The following LHFPL2 variants were observed in gnomAD, a reference collection of about 807,000 sequenced individuals.
LHFPL2 encodes the protein LHFPL tetraspan subfamily member 2 protein.
LHFPL2 carries 7 observed loss-of-function variants against 17.5 expected under a neutral mutation model. The ratio of observed to expected loss-of-function variants is 0.40; its 90% confidence interval spans 0.23 to 0.75. LHFPL2 has a LOEUF of 0.75. Among genes scored for constraint, LHFPL2 ranks in the 30% least tolerant of loss-of-function variants. LHFPL2 has a pLI of 0.37. For synonymous variants in LHFPL2, 134 were observed against 116.2 expected, an observed-to-expected ratio of 1.15 and a Z score of -0.99; for missense variants, 241 against 294.8, an observed-to-expected ratio of 0.82 and a Z score of 1.34.
intron 1 of LHFPL2, among the ~76,000 whole-genome samples, chr5:78,641,034 T>C (rs1477148632): frequency 6.6e-6 from 1 of 151,962 alleles, no homozygotes; most frequent in African/African-American, 2.4e-5. Flanking sequence ...GTACAGAGAG[T>C]AGGAGAGCCT....
intron 3 of LHFPL2, among the ~76,000 whole-genome samples, chr5:78,513,135 T>G (rs1010987513): frequency 6.6e-6 from 1 of 152,170 alleles, no homozygotes; most frequent in Non-Finnish European, 1.5e-5. Context: ...GGGTGACTTG[T>G]ATCTTAATGA....
intron 2 of LHFPL2, among the ~76,000 whole-genome samples, chr5:78,597,737 T>C (rs1743876238): frequency 6.6e-6 from 1 of 152,224 alleles, no homozygotes; most frequent in South Asian, 2.1e-4. Flanking sequence ...ATGTGCATGA[T>C]GGTATGTTAC....
At chr5:78,603,485 G>T (rs1744098263) in intron 2 of LHFPL2, among the ~76,000 whole-genome samples, 1 of 152,200 alleles carries the variant, frequency 6.6e-6, no homozygotes, top group South Asian at 2.1e-4. Context: ...AACATGGAAT[G>T]AGAGCTACGA....
intron 3 of LHFPL2, among the ~76,000 whole-genome samples, chr5:78,542,115 C>CT (rs36078151): frequency 0.38 from 55,647 of 145,822 alleles, 10,679 homozygotes; most frequent in Middle Eastern, 0.47. Flanking sequence ...TGTCATTAAG[C>CT]TTTTTTTTTT....
intron 3 of LHFPL2, among the ~76,000 whole-genome samples, chr5:78,518,831 A>G (rs969176134): frequency 6.6e-6 from 1 of 152,226 alleles, no homozygotes; most frequent in African/African-American, 2.4e-5. Flanking sequence ...AGAGGGACTT[A>G]TTATTGTAGC....
At chr5:78,524,423 AAT>A (rs1274764567) in intron 3 of LHFPL2, among the ~76,000 whole-genome samples, 1 of 151,792 alleles carries the variant, frequency 6.6e-6, no homozygotes, top group African/African-American at 2.4e-5. Flanking sequence ...TTCCAACAAT[AAT>A]ATCACAATGG....
chr5:78,495,837 G>A (rs538438715), intron 4 of LHFPL2, among the ~76,000 whole-genome samples: 2 of 152,306 alleles, frequency 1.3e-5, no homozygotes, highest in South Asian at 4.1e-4. Flanking sequence ...ACCATTTATG[G>A]ATGGCCATGG....
At chr5:78,563,351 T>C (rs1055656908) in intron 3 of LHFPL2, among the ~76,000 whole-genome samples, 4 of 152,202 alleles carry the variant, frequency 2.6e-5, no homozygotes, top group Non-Finnish European at 5.9e-5. Context: ...TCTTTATTAA[T>C]AGAAAATTAA....
intron 4 of LHFPL2, among the ~76,000 whole-genome samples, chr5:78,492,572 C>T (rs144494913): frequency 2.0e-5 from 3 of 152,330 alleles, no homozygotes; most frequent in East Asian, 3.9e-4. Flanking sequence ...TGCCCTGAGG[C>T]GCTCCCTTTT....
In LHFPL2 at chr5:78,547,052, C is replaced by T. The variant is rs138750474; in HGVS notation, c.-186+17761G>A. Among the ~76,000 whole-genome samples the T allele has an allele frequency of 1.5e-3, 227 of 152,136 alleles. 1 individual carries two copies. The highest frequency in any genetic ancestry group is 5.2e-3 in the African/African-American group (214 of 41,490). ...AAAGTAGGGGGTTGAGGAGGGTCCCCTTGGCCCCCATCACCTCCAGGTAGC... is the reference window on the plus strand; with the variant it reads ...AAAGTAGGGGGTTGAGGAGGGTCCCTTTGGCCCCCATCACCTCCAGGTAGC... On this transcript the variant is annotated intron_variant, in intron 3 of 4. Coordinates refer to ENST00000380345, the MANE Select transcript of LHFPL2 (RefSeq NM_005779.3).
chr5:78,626,663 G>C (rs921771805), intron 2 of LHFPL2: 2 of 152,256 alleles, frequency 1.3e-5, no homozygotes, highest in African/African-American at 2.4e-5. Context: ...TGAATCAATG[G>C]GGGGAACAGA....
chr5:78,498,014 C>T (rs1467759199), intron 4 of LHFPL2, among the ~76,000 whole-genome samples: 1 of 152,102 alleles, frequency 6.6e-6, no homozygotes, highest in Non-Finnish European at 1.5e-5. Context: ...CAGGCACTGG[C>T]CAGGAGAGGA....
chr5:78,577,351 T>C (rs913683475), intron 2 of LHFPL2, among the ~76,000 whole-genome samples: 3 of 152,200 alleles, frequency 2.0e-5, no homozygotes, highest in African/African-American at 7.2e-5. Context: ...ATTTTTATGT[T>C]CTACTTCTGA....
intron 2 of LHFPL2, among the ~76,000 whole-genome samples, chr5:78,566,818 T>C (rs1756872397): frequency 1.3e-5 from 2 of 152,240 alleles, no homozygotes; most frequent in Admixed American, 1.3e-4. Context: ...ATTCTAAACA[T>C]TTCCCACAAT....
intron 1 of LHFPL2, among the ~76,000 whole-genome samples, chr5:78,636,019 C>G (rs1173517513): frequency 6.6e-6 from 1 of 151,738 alleles, no homozygotes; most frequent in South Asian, 2.1e-4. Context: ...CACACACACA[C>G]GCGCACACAA....
intron 3 of LHFPL2, among the ~76,000 whole-genome samples, chr5:78,512,667 T>C (rs1002213819): frequency 3.3e-5 from 5 of 152,028 alleles, no homozygotes; most frequent in African/African-American, 9.7e-5. Flanking sequence ...CCCAGCCTGT[T>C]GAGAGCTATA....
chr5:78,562,984 G>C (rs1022945047), intron 3 of LHFPL2, among the ~76,000 whole-genome samples: 5 of 152,216 alleles, frequency 3.3e-5, no homozygotes, highest in African/African-American at 1.2e-4. Context: ...GAAGTGTAGG[G>C]CCTCTTCACT....
At chr5:78,642,555 C>T (rs1380820145) in intron 1 of LHFPL2, among the ~76,000 whole-genome samples, 2 of 152,152 alleles carry the variant, frequency 1.3e-5, no homozygotes, top group Non-Finnish European at 1.5e-5. Context: ...TACAAGGACA[C>T]AAATTACTCT....
chr5:78,598,980 C>T (rs1242085992), intron 2 of LHFPL2, among the ~76,000 whole-genome samples: 2 of 152,132 alleles, frequency 1.3e-5, no homozygotes, highest in South Asian at 2.1e-4. Flanking sequence ...TTTGAACATA[C>T]GGTAATTTCA....
Sources: allele counts gnomAD v4.1 joint callset (sites outside exome capture counted in the v4.1 genomes callset), GRCh38; gene constraint gnomAD v4.1.1; transcripts MANE v1.5; gene names NCBI Gene and HGNC (gene_info 2026-07-23, HGNC 2026-07-21).